PANK1: variants seen among roughly 807,000 people sequenced by gnomAD.
The protein encoded by PANK1 is pantothenic acid kinase 1.
In PANK1, 18 loss-of-function variants were observed where a neutral mutation model predicts 40.1. The ratio of observed to expected loss-of-function variants is 0.45; its 90% CI spans 0.31 to 0.67. The LOEUF (loss-of-function observed/expected upper bound fraction) is 0.67, where lower values mean the gene tolerates loss of function less well. Among genes scored for constraint, PANK1 ranks in the 30% least tolerant of loss-of-function variants. The pLI, the probability that PANK1 is intolerant of heterozygous loss-of-function variation, is 0.06. For synonymous variants in PANK1, 242 were observed against 237.7 expected (o/e 1.02, Z -0.17); for missense variants, 457 against 599.6 (o/e 0.76, Z 2.48).
At chr10:89,606,395 C>A (rs958533258) in intron 2 of PANK1, among the ~76,000 whole-genome samples, 1 of 152,210 alleles carries the variant, frequency 6.6e-6, no homozygotes, top group African/African-American at 2.4e-5. Context: ...GTGACTTTAA[C>A]TATATTTCCT....
chr10:89,616,812 T>C (rs1379259969), intron 1 of PANK1, among the ~76,000 whole-genome samples: 1 of 151,942 alleles, frequency 6.6e-6, no homozygotes, highest in Non-Finnish European at 1.5e-5. Flanking sequence ...TTCCAGCTAC[T>C]TGGGAGGCTG....
rs768082248 is a variant in PANK1 at position 89,645,091 on chromosome 10, CGCGCCGGCCCCACG to C, written c.-214_-201del. ...CACCTCCTCTGCGCCCTGCCCCCCG[CGCGCCGGCCCCACG>C]GCGCCGGCCTGGAGCACGCCAGCCC... On this transcript the variant is annotated 5_prime_UTR_variant, in exon 1 of 7. Transcript: ENST00000307534. 5 of 1,491,050 alleles carry C rather than the reference CGCGCCGGCCCCACG, an allele frequency of 3.4e-6. No homozygotes were observed. The highest frequency in any genetic ancestry group is 3.5e-6 in the Non-Finnish European group (4 of 1,128,820). The allele number at this position is 1,491,050 out of a possible 1,614,324, so 92.4% of individuals were successfully genotyped here. A position where few individuals can be genotyped will look rare whatever the true frequency, so the allele number is the denominator to read the frequency against.
At chr10:89,616,865 G>A (rs1337830121) in intron 1 of PANK1, among the ~76,000 whole-genome samples, 1 of 151,870 alleles carries the variant, frequency 6.6e-6, no homozygotes, top group African/African-American at 2.4e-5. Context: ...AGGTTGCAGT[G>A]AGCCGAGATC....
intron 1 of PANK1, among the ~76,000 whole-genome samples, chr10:89,632,508 T>A (rs914161070): frequency 6.6e-6 from 1 of 151,910 alleles, no homozygotes; most frequent in Non-Finnish European, 1.5e-5. Flanking sequence ...AAAAAAAAAA[T>A]TTGGTGTTCC....
chr10:89,644,717 G>A lies in PANK1; in HGVS notation c.175C>T (p.Gln59Ter). 3 of 1,534,400 alleles carry A rather than the reference G, an allele frequency of 2.0e-6. No homozygotes were observed. The highest frequency in any genetic ancestry group is 1.2e-5 in the South Asian group (1 of 83,874). ...AGCTCCGGCAGGAGCGGGAGGCGCT[G>A]GGGCGCCGCGTCGCTGCCGCCCACT... is the stretch of plus-strand genomic sequence containing the variant. ...GPVGGSDAAP[Q>*]RLPLLPELQP... The change falls in exon 1 of 7, where the codon CAG becomes TAG. Residue 59 changes from glutamine (Q) to a stop codon, truncating the protein, a stop_gained. Transcript: ENST00000307534. LOFTEE classifies it high-confidence loss of function.
intron 1 of PANK1, among the ~76,000 whole-genome samples, chr10:89,642,292 C>G (rs1396095579): frequency 6.6e-6 from 1 of 152,144 alleles, no homozygotes; most frequent in Non-Finnish European, 1.5e-5. Flanking sequence ...GTGTATTGTC[C>G]TTTACCTACA....
chr10:89,628,691 T>C (rs369023434), intron 1 of PANK1, among the ~76,000 whole-genome samples: 1 of 152,236 alleles, frequency 6.6e-6, no homozygotes, highest in African/African-American at 2.4e-5. Flanking sequence ...CTTAATTTTC[T>C]CATTTCAAGA....
intron 2 of PANK1, among the ~76,000 whole-genome samples, chr10:89,604,692 CAAAAAAA>C (rs34373242): frequency 7.5e-5 from 6 of 80,010 alleles, no homozygotes; most frequent in African/African-American, 3.1e-4. Flanking sequence ...AACTCCGTCT[CAAAAAAA>C]AAAAAAAAAA....
chr10:89,638,019 A>G (rs958801684), intron 1 of PANK1, among the ~76,000 whole-genome samples: 9 of 152,202 alleles, frequency 5.9e-5, no homozygotes, highest in African/African-American at 2.2e-4. Context: ...CAGGGTCATC[A>G]ATATCACGGT....
intron 1 of PANK1, among the ~76,000 whole-genome samples, chr10:89,644,368 A>G (rs909350819): frequency 6.6e-6 from 1 of 152,230 alleles, no homozygotes; most frequent in Non-Finnish European, 1.5e-5. Context: ...TTCGTGTCCA[A>G]TCCTCGTTCT....
chr10:89,591,581 C>T (rs1844388668), intron 5 of PANK1, among the ~76,000 whole-genome samples: 1 of 152,210 alleles, frequency 6.6e-6, no homozygotes, highest in Non-Finnish European at 1.5e-5. Flanking sequence ...AAATGCAACA[C>T]TGCCAGTCAC....
At chr10:89,596,706 A>G (rs1844620377) in intron 3 of PANK1, among the ~76,000 whole-genome samples, 1 of 152,266 alleles carries the variant, frequency 6.6e-6, no homozygotes, top group Non-Finnish European at 1.5e-5. Flanking sequence ...AAGCTGTAGA[A>G]TATTATCATC....
At chr10:89,623,228 G>A (rs541751172) in intron 1 of PANK1, among the ~76,000 whole-genome samples, 15 of 151,830 alleles carry the variant, frequency 9.9e-5, no homozygotes, top group Non-Finnish European at 1.9e-4. Flanking sequence ...GTTTTGTTTT[G>A]TTTTTGTTTT....
At chr10:89,597,043 C>T (rs1237745451) in intron 3 of PANK1, among the ~76,000 whole-genome samples, 3 of 152,104 alleles carry the variant, frequency 2.0e-5, no homozygotes, top group South Asian at 2.1e-4. Flanking sequence ...TAAAAGGAAA[C>T]TGACATCCTG....
At chr10:89,588,240 C>G (rs951550990) in intron 6 of PANK1, among the ~76,000 whole-genome samples, 6 of 151,892 alleles carry the variant, frequency 4.0e-5, no homozygotes, top group Non-Finnish European at 7.4e-5. Context: ...AGGATAATTC[C>G]ATAACCTAGT....
intron 5 of PANK1, among the ~76,000 whole-genome samples, chr10:89,591,219 T>C (rs1158622513): frequency 2.0e-5 from 3 of 152,020 alleles, no homozygotes; most frequent in African/African-American, 7.3e-5. Flanking sequence ...AACAAAGATA[T>C]ATTGTAATAC....
chr10:89,631,193 C>T (rs370576690), intron 1 of PANK1, among the ~76,000 whole-genome samples: 12 of 152,056 alleles, frequency 7.9e-5, no homozygotes, highest in Admixed American at 2.0e-4. Flanking sequence ...AAGAAGGCAA[C>T]GATGTATAAA....
intron 5 of PANK1, 82 bp downstream of exon 5, chr10:89,593,115 T>C (rs2133929787): frequency 1.5e-6 from 2 of 1,347,458 alleles, no homozygotes; most frequent in South Asian, 2.5e-5. Context: ...TATGTAGTTG[T>C]GTAAGAGTCA....
rs190893773 is a variant in PANK1 at position 89,586,991 on chromosome 10, C to T, written c.1326+1661G>A. ...TATGAAAATTAGCCAGGTGTGGTGG[C>T]GCACGTCTGTAATCCCAGCTACTTG... On this transcript the variant is annotated intron_variant, in intron 6 of 6. Transcript: ENST00000307534. Among the ~76,000 whole-genome samples, 275 of 152,066 alleles carry T rather than the reference C, an allele frequency of 1.8e-3. 1 individual carries two copies. The highest frequency in any genetic ancestry group is 5.9e-3 in the African/African-American group (245 of 41,482).
Sources: gnomAD v4.1 joint callset for allele counts (sites outside exome capture counted in the v4.1 genomes callset) on GRCh38, gnomAD v4.1.1 for gene constraint, MANE v1.5 for transcripts, NCBI Gene and HGNC (gene_info 2026-07-23, HGNC 2026-07-21) for gene names.